The following TJP1 variants were observed in gnomAD, a reference collection of about 807,000 sequenced individuals.
TJP1 encodes the protein tight junction protein 1.
A neutral mutation model predicts 194.2 loss-of-function variants in TJP1; 43 were observed. The observed-to-expected ratio is 0.22, with a 90% CI of 0.17 to 0.29. The LOEUF is 0.29. Among genes scored for constraint, TJP1 ranks in the 10% least tolerant of loss-of-function variants. The pLI, the probability that TJP1 is intolerant of heterozygous loss-of-function variation, is 1.00. For missense variants in TJP1, 1,971 were observed against 2,185.7 expected (o/e 0.90, Z 1.96); for synonymous variants, 801 against 779.0 (o/e 1.03, Z -0.47).
intron 2 of TJP1, among the ~76,000 whole-genome samples, chr15:29,797,476 T>C (rs1047336722): frequency 1.3e-5 from 2 of 151,636 alleles, no homozygotes; most frequent in African/African-American, 4.8e-5. Context: ...TTAAAGCATG[T>C]ACTGCAAAAG....
At chr15:29,907,462 A>ATTGTC in intron 2 of TJP1, among the ~76,000 whole-genome samples, 1 of 152,306 alleles carries the variant, frequency 6.6e-6, no homozygotes, top group South Asian at 2.1e-4. Flanking sequence ...TTCATATGCC[A>ATTGTC]TTAGACAAGG....
chr15:29,717,871 C>G (rs1867211010), intron 22 of TJP1, 150 bp downstream of exon 22: 4 of 603,726 alleles, frequency 6.6e-6, no homozygotes, highest in Non-Finnish European at 1.1e-5. Context: ...CCTAGAATCA[C>G]TGTTTAGGAG....
At position 29,880,712 on chromosome 15, in the gene TJP1, G is replaced by A. The variant is rs76568806; in HGVS notation, c.306+75520C>T. On this transcript the variant is annotated intron_variant, in intron 2 of 28. Coordinates refer to the TJP1 transcript ENST00000356107. ...TTATGCAATATTTGTCCTGTGACTG[G>A]CTTATTTCACTTAGAATAATGTCCT... is the stretch of plus-strand genomic sequence containing the variant. Among the ~76,000 whole-genome samples, 1,197 of 152,236 alleles carry A rather than the reference G, an allele frequency of 7.9e-3. 17 individuals carry two copies. The highest frequency in any genetic ancestry group is 0.028 in the African/African-American group (1,149 of 41,554).
chr15:29,711,100 T>C (rs2042217442), intron 23 of TJP1, 100 bp from the exon 24 acceptor site: 3 of 1,300,652 alleles, frequency 2.3e-6, no homozygotes, highest in African/African-American at 3.0e-5. Flanking sequence ...AAAAAAAAAC[T>C]AGAAATTTCA....
chr15:29,736,875 T>C (rs947633722), intron 11 of TJP1, among the ~76,000 whole-genome samples: 12 of 152,232 alleles, frequency 7.9e-5, no homozygotes, highest in Admixed American at 2.6e-4. Context: ...AGAGGAACAC[T>C]TGATGTTGCT....
rs146414044 is a variant in TJP1 at position 29,849,043 on chromosome 15, G to A, written c.307-48341C>T. Among the ~76,000 whole-genome samples, 509 of 151,860 alleles carry A rather than the reference G, an allele frequency of 3.4e-3. 5 individuals carry two copies. The highest frequency in any genetic ancestry group is 0.012 in the African/African-American group (486 of 41,404). On this transcript the variant is annotated intron_variant, in intron 2 of 28. Transcript: ENST00000356107. ...TTCTAAATGATAATGTAACATCTCT[G>A]AAACATATCTTATAAACAAGAGAAA...
At chr15:29,882,535 A>T (rs77001406) in intron 2 of TJP1, among the ~76,000 whole-genome samples, 5 of 152,220 alleles carry the variant, frequency 3.3e-5, no homozygotes, top group Non-Finnish European at 4.4e-5. Context: ...GAGGCACATG[A>T]TATCATACAC....
At chr15:29,856,853 G>A (rs575826758) in intron 2 of TJP1, among the ~76,000 whole-genome samples, 2 of 145,392 alleles carry the variant, frequency 1.4e-5, no homozygotes, top group African/African-American at 2.6e-5. Flanking sequence ...GCAAGACTCC[G>A]TCTCAAAAAA....
intron 2 of TJP1, among the ~76,000 whole-genome samples, chr15:29,905,330 A>G (rs1415600058): frequency 1.3e-5 from 2 of 152,226 alleles, no homozygotes; most frequent in Non-Finnish European, 2.9e-5. Flanking sequence ...CAAAGATTTT[A>G]AAAGAATGTT....
rs997058106 is a variant in TJP1, at chr15:29,808,382, C to T, written c.28-7680G>A. Among the ~76,000 whole-genome samples the T allele has an allele frequency of 2.0e-5, 3 of 152,226 alleles. No individual in the cohort carries two copies. The South Asian group carries it at 6.2e-4, about 32-fold the overall frequency. On this transcript the variant is annotated intron_variant, in intron 1 of 27. Transcript: ENST00000614355. ...GGATGGAGGTGGGGGAGCTTCGGGA[C>T]GTAAAGTAAATGTTCTTCCTTGATC...
intron 2 of TJP1, among the ~76,000 whole-genome samples, chr15:29,884,872 A>C (rs16954788): frequency 1.3e-5 from 2 of 152,216 alleles, no homozygotes; most frequent in Non-Finnish European, 2.9e-5. Context: ...GATGACCCAG[A>C]TGACTTCACA....
chr15:29,938,571 A>T (rs1478787443), intron 2 of TJP1, among the ~76,000 whole-genome samples: 1 of 152,210 alleles, frequency 6.6e-6, no homozygotes, highest in Non-Finnish European at 1.5e-5. Flanking sequence ...ACAGAGCACT[A>T]TGTCATTCGA....
intron 11 of TJP1, among the ~76,000 whole-genome samples, chr15:29,734,990 A>G (rs1417167301): frequency 4.6e-5 from 7 of 151,894 alleles, no homozygotes; most frequent in Non-Finnish European, 1.0e-4. Context: ...AGTTGCTGAG[A>G]AAAAAAATCA....
At chr15:29,950,474 C>G (rs377525965) in intron 2 of TJP1, among the ~76,000 whole-genome samples, 1 of 152,258 alleles carries the variant, frequency 6.6e-6, no homozygotes, top group African/African-American at 2.4e-5. Context: ...TCCACCATGA[C>G]CTCCACCTCC....
At chr15:29,792,578 T>C (rs2048164994) in intron 2 of TJP1, among the ~76,000 whole-genome samples, 1 of 152,244 alleles carries the variant, frequency 6.6e-6, no homozygotes, top group South Asian at 2.1e-4. Flanking sequence ...ACTCTGGGTC[T>C]TTGTGGTTCC....
intron 1 of TJP1, chr15:29,968,408 C>A (rs907248123): frequency 1.0e-6 from 1 of 985,108 alleles, no homozygotes; most frequent in African/African-American, 1.7e-5. Context: ...GGCCGCTCCC[C>A]GTCGCCCTAC....
chr15:29,707,363 C>T (rs571741623), intron 25 of TJP1, among the ~76,000 whole-genome samples: 72 of 152,270 alleles, frequency 4.7e-4, no homozygotes, highest in African/African-American at 1.6e-3. Flanking sequence ...CCAGCATGAC[C>T]GGAGTGCCAG....
intron 8 of TJP1, among the ~76,000 whole-genome samples, chr15:29,751,110 A>G (rs74008551): frequency 0.045 from 6,917 of 152,262 alleles, 478 homozygotes; most frequent in African/African-American, 0.14. Flanking sequence ...CCCCTTCACA[A>G]CGATTAAAAA....
Position 29,709,028 on chromosome 15 carries a change from C to A in TJP1, c.4381G>T (p.Val1461Leu). 2 of 1,604,206 alleles carry A rather than the reference C, an allele frequency of 1.2e-6. No individual in the cohort carries two copies. The highest frequency in any genetic ancestry group is 1.7e-5 in the Admixed American group (1 of 57,840). Reference protein sequence around the residue: ...SKGAHGEGNSVSLDFQNSLVS... With the variant: ...SKGAHGEGNSLSLDFQNSLVS... ...AAGGAATTCTGAAAATCCAATGACA[C>A]TGAATTACCTGAAAAACAAACGTAA... The change falls in exon 25 of 28, where the codon GTG becomes TTG. Residue 1461 changes from valine to leucine, a missense_variant. Around this residue, in one of 5 missense-constraint regions of TJP1, gnomAD observed 1,108 missense variants for 1,128.5 expected, o/e 0.98. Coordinates refer to ENST00000614355, the MANE Select transcript of TJP1 (RefSeq NM_001330239.4).
Sources: allele counts gnomAD v4.1 joint callset (sites outside exome capture counted in the v4.1 genomes callset), GRCh38; gene constraint gnomAD v4.1.1; regional missense constraint gnomAD v4.1.1; transcripts MANE v1.5; gene names NCBI Gene and HGNC (gene_info 2026-07-23, HGNC 2026-07-21).